Variants in ABR observed in about 807,000 individuals in gnomAD.
ABR encodes ABR activator of RhoGEF and GTPase.
ABR carries 35 observed loss-of-function variants against 107.2 expected under a neutral mutation model. That is an observed-to-expected ratio of 0.33 (90% confidence interval 0.25 to 0.43). ABR has a LOEUF of 0.43. Among genes scored for constraint, ABR ranks in the 20% least tolerant of loss-of-function variants. The pLI is 1.00. For missense variants in ABR, 815 were observed against 1,115.2 expected (o/e 0.73, Z 3.83); for synonymous variants, 498 against 462.0 (o/e 1.08, Z -1.00).
chr17:1,058,543 GCGGCTGTGCCAGGGA>G (rs2033598211), intron 11 of ABR, among the ~76,000 whole-genome samples, 187 bp downstream of exon 11: 1 of 152,172 alleles, frequency 6.6e-6, no homozygotes. Flanking sequence ...GGTGACAGGA[GCGGCTGTGCCAGGGA>G]CGGCCAGCAG....
At chr17:1,056,357 G>A (rs2033274090) in intron 13 of ABR, among the ~76,000 whole-genome samples, 1 of 152,060 alleles carries the variant, frequency 6.6e-6, no homozygotes, top group South Asian at 2.1e-4. Context: ...CCACCATCCT[G>A]GCCCAGGGAC....
At chr17:1,180,063 CG>C (rs2042078121), upstream of ABR, among the ~76,000 whole-genome samples, 1 of 7,208 alleles carries the variant, frequency 1.4e-4, no homozygotes, top group Admixed American at 2.0e-3. Context: ...GGTGCGGGGG[CG>C]GGGCGGGGAG....
chr17:1,076,231 A>G (rs2035696782), intron 6 of ABR, among the ~76,000 whole-genome samples: 1 of 152,172 alleles, frequency 6.6e-6, no homozygotes, highest in Admixed American at 6.5e-5. Flanking sequence ...TTCATATGAC[A>G]TATCTGTAGC....
intron 2 of ABR, chr17:1,109,076 G>A (rs780469108): frequency 1.9e-6 from 3 of 1,591,496 alleles, no homozygotes; most frequent in Non-Finnish European, 2.6e-6. Context: ...CATGGCAGCC[G>A]GAGCCCGCGG....
At chr17:1,033,075 G>A (rs1302355052) in intron 16 of ABR, among the ~76,000 whole-genome samples, 7 of 152,220 alleles carry the variant, frequency 4.6e-5, no homozygotes, top group Admixed American at 4.6e-4. Flanking sequence ...AGCCCTTGGT[G>A]CTCACAAGCA....
At position 1,074,241 on chromosome 17, in the gene ABR, C is replaced by T. The variant is rs985741159; in HGVS notation, c.701-564G>A. 5.5e-5 allele frequency among the ~76,000 whole-genome samples: 8 copies of T among 145,066 alleles called. No homozygotes were observed. The South Asian group carries it at 6.6e-4, about 12-fold the overall frequency. On this transcript the variant is annotated intron_variant, in intron 6 of 22. Transcript: ENST00000302538. ...AGAATCACACAGCTCCACCCAGCCA[C>T]GCCCCGTAGAGTCCAGCACACCTGC...
chr17:1,046,728 A>G (rs1173567100), intron 16 of ABR, among the ~76,000 whole-genome samples: 1 of 152,218 alleles, frequency 6.6e-6, no homozygotes, highest in Non-Finnish European at 1.5e-5. Flanking sequence ...ACGTGGGGAC[A>G]TGGCACAGAG....
chr17:1,179,134 C>G lies in ABR; in HGVS notation c.61+533G>C, dbSNP rs969184935. On this transcript the variant is annotated intron_variant, in intron 1 of 22. Transcript: ENST00000302538. This position sits in a 1 kb window ranked among gnomAD's most constrained non-coding sequence, Gnocchi z 4.9. ...CGGCCCCCGCGGATATCTGCACCCC[C>G]CGTCTCCCCTCCCACCCGATCCCAC... is the stretch of plus-strand genomic sequence containing the variant. Among the ~76,000 whole-genome samples, 144 of 152,048 alleles carry G rather than the reference C, an allele frequency of 9.5e-4. No individual in the cohort carries two copies. Among genetic ancestry groups the G allele is most frequent in the Non-Finnish European group, 1.5e-3 (102 of 67,950 alleles).
chr17:1,157,035 A>G lies in ABR; in HGVS notation c.61+22632T>C, dbSNP rs903728578. ...TAATAACAACAGTCCACACACACAT[A>G]CGATAAGTTAACTCACCGCAGCCTC... On this transcript the variant is annotated intron_variant, in intron 1 of 22. Coordinates refer to ENST00000302538, the MANE Select transcript of ABR (RefSeq NM_021962.5). This position sits in a 1 kb window ranked among gnomAD's most constrained non-coding sequence, Gnocchi z 4.7. Among the ~76,000 whole-genome samples, 3 of 152,180 alleles carry G rather than the reference A, an allele frequency of 2.0e-5. No individual in the cohort carries two copies. Among genetic ancestry groups the G allele is most frequent in the African/African-American group, 7.2e-5 (3 of 41,444 alleles).
At chr17:1,195,098 G>A (rs898769622) in intron 1 of ABR, among the ~76,000 whole-genome samples, 2 of 145,232 alleles carry the variant, frequency 1.4e-5, no homozygotes, top group African/African-American at 2.5e-5. Flanking sequence ...ACGAGGTCAG[G>A]AGATCGAGAC....
At chr17:1,075,671 G>T (rs949666877) in intron 6 of ABR, among the ~76,000 whole-genome samples, 2 of 152,194 alleles carry the variant, frequency 1.3e-5, no homozygotes, top group Non-Finnish European at 2.9e-5. Context: ...CTTCTTTACT[G>T]ATTTGAATGT....
In ABR at chr17:1,205,876, C is replaced by T. The variant is rs534601654; in HGVS notation, c.838+22917G>A. Among the ~76,000 whole-genome samples, 4 of 152,058 alleles carry T rather than the reference C, an allele frequency of 2.6e-5. No homozygotes were observed. The East Asian group carries it at 5.8e-4, about 22-fold the overall frequency. ...GAGAATCACTTGAACCAGGAGGTGG[C>T]GGTTGCAGTGAGCTGAGATTGCGCC... On this transcript the variant is annotated intron_variant, in intron 1 of 22. Transcript: ENST00000574139.
At chr17:1,106,061 G>A (rs969218004) in intron 2 of ABR, among the ~76,000 whole-genome samples, 5 of 152,096 alleles carry the variant, frequency 3.3e-5, no homozygotes, top group African/African-American at 4.8e-5. Flanking sequence ...GCAACATGAC[G>A]CTGCTATCAG....
In ABR at chr17:1,050,556, G is replaced by C. The variant is rs545589156; in HGVS notation, c.1640C>G (p.Ala547Gly). 1 of 1,613,906 alleles carries C rather than the reference G, an allele frequency of 6.2e-7. No individual in the cohort carries two copies. The highest frequency in any genetic ancestry group is 8.5e-7 in the Non-Finnish European group (1 of 1,179,924). Residue 547 changes from alanine (A) to glycine (G), a missense_variant, in exon 15 of 23, where the codon GCG becomes GGG. By Grantham distance (60) the Ala-to-Gly change is moderately conservative. Around this residue, in one of 5 missense-constraint regions of ABR, gnomAD observed 385 missense variants for 596.9 expected, o/e 0.64. Transcript: ENST00000302538. This position sits in a 1 kb window ranked among gnomAD's most constrained non-coding sequence, Gnocchi z 4.6. ...KAKTRVFRDT[A>G]EPKWDEEFEI... The stretch of plus-strand genomic sequence containing the variant: ...ACTCACCTCATCCCACTTGGGCTCC[G>C]CTGTGTCCCGGAACACCCTGGTTTT...
At chr17:1,097,184 C>G (rs1001338443) in intron 3 of ABR, among the ~76,000 whole-genome samples, 1 of 152,156 alleles carries the variant, frequency 6.6e-6, no homozygotes, top group African/African-American at 2.4e-5. Context: ...ACAGGCGCCA[C>G]TCCCTCCTTC....
At chr17:1,044,747 C>T (rs1253530549) in intron 16 of ABR, among the ~76,000 whole-genome samples, 1 of 152,164 alleles carries the variant, frequency 6.6e-6, no homozygotes, top group East Asian at 1.9e-4. Flanking sequence ...CCCGCCACCC[C>T]TGCTGAGGCT....
At chr17:1,204,174 G>A (rs1168160967) in intron 1 of ABR, among the ~76,000 whole-genome samples, 1 of 152,236 alleles carries the variant, frequency 6.6e-6, no homozygotes, top group Non-Finnish European at 1.5e-5. Flanking sequence ...GCCGGGCGCG[G>A]TGGCTCAGGC....
chr17:1,082,570 G>A (rs1358455082), intron 5 of ABR, among the ~76,000 whole-genome samples: 1 of 152,146 alleles, frequency 6.6e-6, no homozygotes, highest in Non-Finnish European at 1.5e-5. Context: ...TCCCGGCCAG[G>A]GATTCTAAGG....
At chr17:1,204,398 T>C (rs1234571483) in intron 1 of ABR, among the ~76,000 whole-genome samples, 2 of 152,218 alleles carry the variant, frequency 1.3e-5, no homozygotes, top group African/African-American at 2.4e-5. Context: ...TGAGCCGAGA[T>C]TGCGCCACTG....
Sources: gnomAD v4.1 joint callset for allele counts (sites outside exome capture counted in the v4.1 genomes callset) on GRCh38, gnomAD v4.1.1 for gene constraint, gnomAD v4.1.1 regional missense constraint, Gnocchi (gnomAD v3.1) non-coding constraint, MANE v1.5 for transcripts, NCBI Gene and HGNC (gene_info 2026-07-23, HGNC 2026-07-21) for gene names.